Variants in KIRREL3 observed in about 807,000 individuals in gnomAD.
KIRREL3 encodes kin of IRRE-like protein 3.
In KIRREL3, 36 loss-of-function variants were observed where a neutral mutation model predicts 89.7. The ratio of observed to expected loss-of-function variants is 0.40; its 90% CI spans 0.31 to 0.53. The LOEUF (loss-of-function observed/expected upper bound fraction) is 0.53. KIRREL3 is among the 20% of genes least tolerant of loss of function. The pLI is 0.49. For synonymous variants in KIRREL3, 445 were observed against 441.4 expected (o/e 1.01, Z -0.10); for missense variants, 864 against 1,056.6 (o/e 0.82, Z 2.53).
Position 126,763,758 on chromosome 11 carries a change from T to C in KIRREL3, c.56-200846A>G, listed in dbSNP as rs1362305847. On this transcript the variant is annotated intron_variant, in intron 1 of 16. Coordinates refer to ENST00000525144, the MANE Select transcript of KIRREL3 (RefSeq NM_032531.4). The surrounding 1 kb of genome is among the most constrained non-coding windows in gnomAD (Gnocchi z 4.7). ...ACAATAGAAACACCCCTCTCAAACG[T>C]AGGGAAAGCTTGTCCACAAAGCACT... Among the ~76,000 whole-genome samples the C allele has an allele frequency of 2.6e-5, 4 of 152,322 alleles. No homozygotes were observed. Among genetic ancestry groups the C allele is most frequent in the Non-Finnish European group, 5.9e-5 (4 of 68,030 alleles).
chr11:126,451,105 A>G (rs1321697306), intron 7 of KIRREL3, among the ~76,000 whole-genome samples: 5 of 83,114 alleles, frequency 6.0e-5, no homozygotes, highest in East Asian at 7.4e-4. Flanking sequence ...GTCCATGTGC[A>G]TGTGTGCATG....
chr11:126,980,166 G>A (rs1428195595), intron 1 of KIRREL3, among the ~76,000 whole-genome samples: 1 of 152,128 alleles, frequency 6.6e-6, no homozygotes, highest in Non-Finnish European at 1.5e-5. Context: ...TAAATGATGA[G>A]GAAAAGGATA....
In KIRREL3 at chr11:126,431,476, C is replaced by A. The variant is rs1039847112; in HGVS notation, c.1639G>T (p.Ala547Ser). The A allele has an allele frequency of 1.9e-6, 3 of 1,614,048 alleles. No homozygotes were observed. The East Asian group carries it at 6.7e-5, about 36-fold the overall frequency. The change falls in exon 14 of 17, where the codon GCC becomes TCC. Residue 547 changes from alanine to serine, a missense_variant. Transcript: ENST00000525144. The surrounding 1 kb of genome is among the most constrained non-coding windows in gnomAD (Gnocchi z 7.1). ...IIGVAVGAGV[A>S]FLVLMATIVA... ...ATGGTTGCCATAAGGACGAGGAAGG[C>A]CACACCAGCTCCTACGGCCACCCCA...
chr11:126,449,346 C>T (rs1262309560), intron 7 of KIRREL3, among the ~76,000 whole-genome samples, 189 bp from the exon 8 acceptor site: 1 of 152,188 alleles, frequency 6.6e-6, no homozygotes. Flanking sequence ...GGTTTTGCTC[C>T]CACCCAGGTG....
At position 126,908,863 on chromosome 11, in the gene KIRREL3, C is replaced by A. The variant is rs1043916447; in HGVS notation, c.55+91592G>T. 1.3e-5 allele frequency among the ~76,000 whole-genome samples: 2 copies of A among 152,078 alleles called. No homozygotes were observed. Among genetic ancestry groups the A allele is most frequent in the African/African-American group, 4.8e-5 (2 of 41,396 alleles). On this transcript the variant is annotated intron_variant, in intron 1 of 16. Transcript: ENST00000525144. The surrounding 1 kb of genome is among the most constrained non-coding windows in gnomAD (Gnocchi z 4.2). ...GGATCCTCTTGGGTATCACAATCTG[C>A]GGACGCTCGAGTCTCTGATATAAAG...
chr11:126,568,641 T>C lies in KIRREL3; in HGVS notation c.56-5729A>G, dbSNP rs1239872220. ...GGAGCCATGCTCCAGCACTTACCAG[T>C]GAGCAACTCTTAGGCTTCTCTGAGC... On this transcript the variant is annotated intron_variant, in intron 1 of 16. Transcript: ENST00000525144. The surrounding 1 kb of genome is among the most constrained non-coding windows in gnomAD (Gnocchi z 4.6). Among the ~76,000 whole-genome samples, 1 of 152,168 alleles carries C rather than the reference T, an allele frequency of 6.6e-6. No homozygotes were observed. The highest frequency in any genetic ancestry group is 1.5e-5 in the Non-Finnish European group (1 of 68,024).
Position 126,708,250 on chromosome 11 carries a change from G to A in KIRREL3, c.56-145338C>T, listed in dbSNP as rs747249821. Among the ~76,000 whole-genome samples, 54 of 152,290 alleles carry A rather than the reference G, an allele frequency of 3.5e-4. 1 individual carries two copies. Among genetic ancestry groups the A allele is most frequent in the African/African-American group, 1.0e-3 (42 of 41,564 alleles). On this transcript the variant is annotated intron_variant, in intron 1 of 16. Transcript: ENST00000525144. The surrounding 1 kb of genome is among the most constrained non-coding windows in gnomAD (Gnocchi z 5.7). The stretch of plus-strand genomic sequence containing the variant: ...TACAATGTTATATTGCTACCAAAGC[G>A]GGCAAAATGAGGATGTGAAGTCGAG...
intron 2 of KIRREL3, among the ~76,000 whole-genome samples, chr11:126,552,550 G>GTCTT (rs201214323): frequency 1.2e-5 from 1 of 81,752 alleles, no homozygotes; most frequent in African/African-American, 4.3e-5. Context: ...AGAGAGAAAA[G>GTCTT]TTTTTTTTTT....
At chr11:126,714,735 C>G (rs1423856114) in intron 1 of KIRREL3, among the ~76,000 whole-genome samples, 1 of 152,156 alleles carries the variant, frequency 6.6e-6, no homozygotes, top group Non-Finnish European at 1.5e-5. Flanking sequence ...TCCTTTCCTA[C>G]TCACTTCCTC....
chr11:126,983,061 G>C lies in KIRREL3; in HGVS notation c.55+17394C>G, dbSNP rs778801140. Among the ~76,000 whole-genome samples, 11 of 152,230 alleles carry C rather than the reference G, an allele frequency of 7.2e-5. No individual in the cohort carries two copies. The highest frequency in any genetic ancestry group is 1.6e-4 in the Non-Finnish European group (11 of 68,014). On this transcript the variant is annotated intron_variant, in intron 1 of 16. Transcript: ENST00000525144. The surrounding 1 kb of genome is among the most constrained non-coding windows in gnomAD (Gnocchi z 4.9). ...ATTATGTAAGCGTAATTTGTGCCAA[G>C]TCATAGTATGATATTATAATAACCA...
chr11:126,962,790 T>C (rs1427320344), intron 1 of KIRREL3, among the ~76,000 whole-genome samples: 2 of 152,072 alleles, frequency 1.3e-5, no homozygotes, highest in East Asian at 1.9e-4. Context: ...TTTTAAGAAA[T>C]TGCCACAGCC....
chr11:126,662,253 T>C (rs1229905639), intron 1 of KIRREL3, among the ~76,000 whole-genome samples: 1 of 152,162 alleles, frequency 6.6e-6, no homozygotes, highest in African/African-American at 2.4e-5. Flanking sequence ...TAAGAGCCCA[T>C]TACCATAACA....
rs754084481 is a variant in KIRREL3 at position 126,552,914 on chromosome 11, A to G, written c.133+9921T>C. On this transcript the variant is annotated intron_variant, in intron 2 of 16. Coordinates refer to ENST00000525144, the MANE Select transcript of KIRREL3 (RefSeq NM_032531.4). ...TTGGGAAAGAAAGAAAAAAATAGTC[A>G]TTATACCAGTGTACTCCTTCCTTAG... Among the ~76,000 whole-genome samples, 22 of 152,044 alleles carry G rather than the reference A, an allele frequency of 1.4e-4. 1 individual carries two copies. Among genetic ancestry groups the G allele is most frequent in the Admixed American group, 1.4e-3 (22 of 15,266 alleles).
chr11:126,763,074 G>A lies in KIRREL3; in HGVS notation c.56-200162C>T, dbSNP rs371462021. ...AGGTAGAGAGGGGCTATGCCCAGGA[G>A]TATTGCCCCAACTTCCAAACACATT... On this transcript the variant is annotated intron_variant, in intron 1 of 16. Coordinates refer to ENST00000525144, the MANE Select transcript of KIRREL3 (RefSeq NM_032531.4). This position sits in a 1 kb window ranked among gnomAD's most constrained non-coding sequence, Gnocchi z 4.7. Among the ~76,000 whole-genome samples, 19 of 152,252 alleles carry A rather than the reference G, an allele frequency of 1.2e-4. No individual in the cohort carries two copies. Among genetic ancestry groups the A allele is most frequent in the South Asian group, 8.3e-4 (4 of 4,814 alleles).
rs910241294 is a variant in KIRREL3, at chr11:126,490,188, C to T, written c.434-16722G>A. 1.5e-4 allele frequency among the ~76,000 whole-genome samples: 16 copies of T among 109,916 alleles called. No individual in the cohort carries two copies. Among genetic ancestry groups the T allele is most frequent in the African/African-American group, 5.8e-4 (16 of 27,634 alleles). The allele number at this position is 109,916 out of a possible 152,430, so 72.1% of individuals were successfully genotyped here. A position where few individuals can be genotyped will look rare whatever the true frequency, so the allele number is the denominator to read the frequency against. ...AATTGAGAATATTATTTGCATTTGG[C>T]TTTGGAATGCATTGTGTGTGTGTGT... On this transcript the variant is annotated intron_variant, in intron 4 of 16. Coordinates refer to ENST00000525144, the MANE Select transcript of KIRREL3 (RefSeq NM_032531.4). This position sits in a 1 kb window ranked among gnomAD's most constrained non-coding sequence, Gnocchi z 4.2.
Position 126,954,955 on chromosome 11 carries a change from T to C in KIRREL3, c.55+45500A>G, listed in dbSNP as rs961936949. Among the ~76,000 whole-genome samples, 5 of 152,324 alleles carry C rather than the reference T, an allele frequency of 3.3e-5. No individual in the cohort carries two copies. The highest frequency in any genetic ancestry group is 4.1e-4 in the South Asian group (2 of 4,828). ...TCTTGCATTCCCTCTCCTTGTCACA[T>C]CTGACCAGTGGTTCATACAGATGTG... On this transcript the variant is annotated intron_variant, in intron 1 of 16. Coordinates refer to ENST00000525144, the MANE Select transcript of KIRREL3 (RefSeq NM_032531.4). This position sits in a 1 kb window ranked among gnomAD's most constrained non-coding sequence, Gnocchi z 4.1.
At chr11:126,654,449 A>C (rs1945041733) in intron 1 of KIRREL3, among the ~76,000 whole-genome samples, 1 of 151,908 alleles carries the variant, frequency 6.6e-6, no homozygotes, top group Admixed American at 6.6e-5. Context: ...GAAATGTTGA[A>C]GGTGGAGGGA....
chr11:126,524,246 A>G (rs1958680071), intron 3 of KIRREL3, among the ~76,000 whole-genome samples: 1 of 152,242 alleles, frequency 6.6e-6, no homozygotes, highest in African/African-American at 2.4e-5. Context: ...GGTGAAGGTT[A>G]AATAGGATAA....
At chr11:126,840,307 T>C (rs995241535) in intron 1 of KIRREL3, among the ~76,000 whole-genome samples, 19 of 152,206 alleles carry the variant, frequency 1.2e-4, no homozygotes, top group African/African-American at 3.9e-4. Context: ...GATTGGCTCA[T>C]TGAAAATCAA....
Sources: allele counts gnomAD v4.1 joint callset (sites outside exome capture counted in the v4.1 genomes callset), GRCh38; gene constraint gnomAD v4.1.1; non-coding constraint Gnocchi (gnomAD v3.1); transcripts MANE v1.5; gene names NCBI Gene and HGNC (gene_info 2026-07-23, HGNC 2026-07-21).